IFT57: variants seen among roughly 807,000 people sequenced by gnomAD.
The protein encoded by IFT57 is intraflagellar transport protein 57 homolog.
A neutral mutation model predicts 56.8 loss-of-function variants in IFT57; 59 were observed. The observed-to-expected ratio is 1.04, with a 90% CI of 0.84 to 1.29. The LOEUF (loss-of-function observed/expected upper bound fraction) is 1.29, where lower values mean the gene tolerates loss of function less well. Among genes scored for constraint, IFT57 ranks in the 50% most tolerant of loss-of-function variants. The pLI, the probability that IFT57 is intolerant of heterozygous loss-of-function variation, is 0.00. For synonymous variants in IFT57, 209 were observed against 186.1 expected (o/e 1.12, Z -1.00); for missense variants, 470 against 522.1 (o/e 0.90, Z 0.97).
chr3:108,188,258 A>C (rs1362591386), intron 6 of IFT57, among the ~76,000 whole-genome samples: 1 of 152,194 alleles, frequency 6.6e-6, no homozygotes, highest in Non-Finnish European at 1.5e-5. Flanking sequence ...ATATGTAACC[A>C]GATGGTTTAT....
At chr3:108,219,357 T>C (rs554637335) in intron 2 of IFT57, 53 bp downstream of exon 2, 16 of 1,429,152 alleles carry the variant, frequency 1.1e-5, no homozygotes, top group Non-Finnish European at 1.5e-5. Flanking sequence ...AAATTACCAG[T>C]ATTAAAATTC....
intron 5 of IFT57, among the ~76,000 whole-genome samples, chr3:108,192,065 G>A (rs1424535322): frequency 1.3e-5 from 2 of 151,244 alleles, no homozygotes; most frequent in African/African-American, 2.4e-5. Context: ...CCAGCTACTC[G>A]GGAGGCTGAG....
chr3:108,171,636 G>T (rs1294352555), intron 6 of IFT57, among the ~76,000 whole-genome samples: 1 of 151,724 alleles, frequency 6.6e-6, no homozygotes, highest in Non-Finnish European at 1.5e-5. Flanking sequence ...GCCCCTCCAA[G>T]TCAGCTAATC....
In IFT57 at chr3:108,205,379, TTAGAG is replaced by T. The variant is rs1462037410; in HGVS notation, c.654+1244_654+1248del. On this transcript the variant is annotated intron_variant, in intron 5 of 10. Coordinates refer to ENST00000264538, the MANE Select transcript of IFT57 (RefSeq NM_018010.4). ...CCCAAATCTGGAATCCTAGTAAGTATTAGAGTAAAGTCACACACTGAGGCAAGTTG... is the reference window on the plus strand; with the variant it reads ...CCCAAATCTGGAATCCTAGTAAGTATTAAAGTCACACACTGAGGCAAGTTG... Among the ~76,000 whole-genome samples the T allele has an allele frequency of 5.3e-5, 8 of 152,086 alleles. No individual in the cohort carries two copies. The South Asian group carries it at 6.2e-4, about 12-fold the overall frequency.
At chr3:108,163,789 A>C in intron 9 of IFT57, 60 bp from the exon 10 acceptor site, 3 of 1,030,584 alleles carry the variant, frequency 2.9e-6, no homozygotes. Flanking sequence ...CAATTTTTGA[A>C]TTATGTGTTA....
intron 6 of IFT57, among the ~76,000 whole-genome samples, chr3:108,189,450 T>G (rs547471861): frequency 1.3e-5 from 2 of 152,288 alleles, no homozygotes; most frequent in South Asian, 2.1e-4. Flanking sequence ...AAAACAGCAA[T>G]GTTTGTAAGA....
intron 4 of IFT57, among the ~76,000 whole-genome samples, chr3:108,209,628 C>T (rs748305867): frequency 6.6e-6 from 1 of 152,172 alleles, no homozygotes; most frequent in Non-Finnish European, 1.5e-5. Flanking sequence ...AGGTTGCTAT[C>T]ACCAATGCGG....
chr3:108,212,737 A>C (rs182721327), intron 4 of IFT57, among the ~76,000 whole-genome samples: 159 of 152,230 alleles, frequency 1.0e-3, no homozygotes, highest in African/African-American at 3.6e-3. Context: ...TGCATATACT[A>C]ACTTAAATAC....
intron 5 of IFT57, among the ~76,000 whole-genome samples, chr3:108,192,110 T>G (rs1391551549): frequency 6.8e-6 from 1 of 148,072 alleles, no homozygotes; most frequent in Non-Finnish European, 1.5e-5. Context: ...AGGCGGAGCT[T>G]GCAGTGAGCC....
intron 4 of IFT57, among the ~76,000 whole-genome samples, chr3:108,213,437 G>T (rs1039261777): frequency 6.6e-6 from 1 of 152,106 alleles, no homozygotes; most frequent in Non-Finnish European, 1.5e-5. Context: ...ACTATGGATG[G>T]CATGTAAAAC....
chr3:108,210,873 A>G (rs2080339592), intron 4 of IFT57, among the ~76,000 whole-genome samples: 1 of 152,186 alleles, frequency 6.6e-6, no homozygotes, highest in South Asian at 2.1e-4. Flanking sequence ...TGCTCTTATG[A>G]TAGTAGAAGG....
chr3:108,176,645 C>T (rs1001982693), intron 6 of IFT57, among the ~76,000 whole-genome samples: 2 of 151,760 alleles, frequency 1.3e-5, no homozygotes, highest in Non-Finnish European at 2.9e-5. Flanking sequence ...CTTACTAGAA[C>T]CATTACTAAA....
rs775128582 is a variant in IFT57 at position 108,222,256 on chromosome 3, C to A, written c.67G>T (p.Glu23Ter). Residue 23 changes from glutamate (E) to a stop codon, truncating the protein, a stop_gained, in exon 1 of 11, where the codon GAA becomes TAA. Coordinates refer to ENST00000264538, the MANE Select transcript of IFT57 (RefSeq NM_018010.4). LOFTEE classifies it high-confidence loss of function. ...LEDGVPRSRG[E>*]GTGEVVLERG... Reference sequence around the variant, plus strand: ...TCCAAGACCACTTCCCCGGTCCCTTCGCCACGGGACCTAGGCACCCCATCT... The same window carrying A: ...TCCAAGACCACTTCCCCGGTCCCTTAGCCACGGGACCTAGGCACCCCATCT... The A allele has an allele frequency of 6.2e-7, 1 of 1,614,110 alleles. No individual in the cohort carries two copies. Among genetic ancestry groups the A allele is most frequent in the East Asian group, 2.2e-5 (1 of 44,876 alleles).
chr3:108,173,611 G>C (rs969897680), intron 6 of IFT57, among the ~76,000 whole-genome samples: 2 of 151,760 alleles, frequency 1.3e-5, no homozygotes, highest in Non-Finnish European at 2.9e-5. Context: ...ATAAAATAGT[G>C]AATATCTCAT....
intron 6 of IFT57, among the ~76,000 whole-genome samples, chr3:108,170,956 C>A (rs576202063): frequency 1.1e-4 from 16 of 151,908 alleles, no homozygotes; most frequent in African/African-American, 3.9e-4. Flanking sequence ...TTGAGAAATA[C>A]CCATTGTAAA....
At position 108,167,854 on chromosome 3, in the gene IFT57, A is replaced by T. The variant is rs1309213904; in HGVS notation, c.788T>A (p.Ile263Asn). ...GTGCTGGTGCATTTGGTCAACATGG[A>T]TTCTCCAATCCTACAGGCATAGAGC... ...TIRTDNKDWRIHVDQMHQHRS... is the reference protein window; with the variant it reads ...TIRTDNKDWRNHVDQMHQHRS... The change falls in exon 7 of 11, where the codon ATC (isoleucine) becomes AAC (asparagine). Residue 263 changes from isoleucine (I) to asparagine (N), a missense_variant. By Grantham distance (149) the Ile-to-Asn change is moderately radical. Transcript: ENST00000264538. 1 of 1,593,392 alleles carries T rather than the reference A, an allele frequency of 6.3e-7. No individual in the cohort carries two copies. The highest frequency in any genetic ancestry group is 8.5e-7 in the Non-Finnish European group (1 of 1,170,198).
intron 6 of IFT57, among the ~76,000 whole-genome samples, chr3:108,187,117 A>G (rs1156704986): frequency 7.9e-5 from 12 of 152,162 alleles, no homozygotes. Context: ...TACCAGGAAC[A>G]TTATAATCAA....
rs369983217 is a variant in IFT57, at chr3:108,170,209, GTC to G, written c.778-2347_778-2346del. Among the ~76,000 whole-genome samples, 173 of 152,074 alleles carry G rather than the reference GTC, an allele frequency of 1.1e-3. 1 individual carries two copies. Among genetic ancestry groups the G allele is most frequent in the African/African-American group, 4.1e-3 (169 of 41,530 alleles). ...AAATAGGAACTGAGGAAGTCAAATT[GTC>G]TCTGTTTGCAGATAACATAATTGCA... On this transcript the variant is annotated intron_variant, in intron 6 of 10. Transcript: ENST00000264538.
At chr3:108,166,070 CAAAT>C (rs1459009464) in intron 8 of IFT57, among the ~76,000 whole-genome samples, 1 of 152,016 alleles carries the variant, frequency 6.6e-6, no homozygotes, top group Admixed American at 6.6e-5. Flanking sequence ...ATACATTTAA[CAAAT>C]AACATCAAAA....
Sources: gnomAD v4.1 joint callset for allele counts (sites outside exome capture counted in the v4.1 genomes callset) on GRCh38, gnomAD v4.1.1 for gene constraint, MANE v1.5 for transcripts, NCBI Gene and HGNC (gene_info 2026-07-23, HGNC 2026-07-21) for gene names.